Variants in KMT2C observed in about 807,000 individuals in gnomAD.
The protein encoded by KMT2C is lysine methyltransferase 2C.
KMT2C carries 88 observed loss-of-function variants against 507.9 expected under a neutral mutation model. That is an observed-to-expected ratio of 0.17 (90% confidence interval 0.15 to 0.21). The LOEUF is 0.21. Among genes scored for constraint, KMT2C ranks in the 10% least tolerant of loss-of-function variants. The pLI, the probability that KMT2C is intolerant of heterozygous loss-of-function variation, is 1.00. For missense variants in KMT2C, 4,954 were observed against 5,957.8 expected (o/e 0.83, Z 5.55); for synonymous variants, 2,049 against 2,080.8 (o/e 0.98, Z 0.42).
At chr7:152,330,169 T>TGGGGG (rs376494504) in intron 3 of KMT2C, among the ~76,000 whole-genome samples, 22 of 40,962 alleles carry the variant, frequency 5.4e-4, no homozygotes, top group Non-Finnish European at 6.3e-4. Context: ...GGAGGGGTGG[T>TGGGGG]GGGGGGGGGG....
intron 18 of KMT2C, among the ~76,000 whole-genome samples, chr7:152,226,936 G>A (rs535401672): frequency 6.6e-6 from 1 of 152,334 alleles, no homozygotes; most frequent in African/African-American, 2.4e-5. Flanking sequence ...TGAAGATAAA[G>A]TGGCAGACAG....
chr7:152,341,901 C>G (rs1303243172), intron 2 of KMT2C, among the ~76,000 whole-genome samples: 1 of 152,040 alleles, frequency 6.6e-6, no homozygotes, highest in Non-Finnish European at 1.5e-5. Flanking sequence ...TTTGGGGTGT[C>G]CACTTTTTAA....
intron 6 of KMT2C, among the ~76,000 whole-genome samples, chr7:152,279,049 T>A (rs567679982): frequency 2.2e-4 from 33 of 152,180 alleles, no homozygotes; most frequent in East Asian, 1.9e-3. Flanking sequence ...AAAATCCACA[T>A]GTATGGTCGT....
chr7:152,376,217 T>C (rs2097327941), intron 1 of KMT2C, among the ~76,000 whole-genome samples: 1 of 152,218 alleles, frequency 6.6e-6, no homozygotes, highest in Non-Finnish European at 1.5e-5. Flanking sequence ...CTATCTCTCT[T>C]TCTCCCTCTT....
intron 1 of KMT2C, 73 bp from the exon 2 acceptor site, chr7:152,358,748 C>G (rs1257757787): frequency 1.1e-6 from 1 of 920,386 alleles, no homozygotes; most frequent in African/African-American, 1.7e-5. Flanking sequence ...TTATATTCAA[C>G]ATAAGGCACA....
At chr7:152,308,629 C>CATG (rs914948739) in intron 6 of KMT2C, among the ~76,000 whole-genome samples, 1 of 129,114 alleles carries the variant, frequency 7.7e-6, no homozygotes, top group African/African-American at 3.0e-5. Flanking sequence ...GAGCTGAGAT[C>CATG]ATGCCACCAC....
chr7:152,249,972 T>C lies in KMT2C; in HGVS notation c.1736-19A>G. 6.4e-7 allele frequency: 1 copy of C among 1,552,440 alleles called. No homozygotes were observed. Among genetic ancestry groups the C allele is most frequent in the African/African-American group, 1.4e-5 (1 of 73,840 alleles). ...TGAACCGCTGTGAGTAACACATTTA[T>C]AAAATCTCTAAGGAGTCAAAATTTC... On this transcript the variant is annotated intron_variant, in intron 12 of 58. Transcript: ENST00000262189.
chr7:152,176,880 G>T lies in KMT2C; in HGVS notation c.8573C>A (p.Ala2858Asp), dbSNP rs2093234077. Residue 2858 changes from alanine (A) to aspartate (D), a missense_variant, in exon 38 of 59, where the codon GCT (alanine) becomes GAT (aspartate). By Grantham distance (126) the Ala-to-Asp change is moderately radical. Around this residue, in one of 29 missense-constraint regions of KMT2C, gnomAD observed 1,689 missense variants for 1,654.3 expected, o/e 1.02. Coordinates refer to ENST00000262189, the MANE Select transcript of KMT2C (RefSeq NM_170606.3). ...NVDTPCSQAS[A>D]HSDLNDGEKT... is the part of the protein sequence containing the mutation. Reference sequence around the variant, plus strand: ...TTCTCCATCATTTAGGTCTGAGTGAGCAGAAGCCTGTGAGCAAGGAGTGTC... The same window carrying T: ...TTCTCCATCATTTAGGTCTGAGTGATCAGAAGCCTGTGAGCAAGGAGTGTC... 1 of 1,614,178 alleles carries T rather than the reference G, an allele frequency of 6.2e-7. No individual in the cohort carries two copies.
In KMT2C at chr7:152,177,330, T is replaced by C. The variant is rs773930994; in HGVS notation, c.8123A>G (p.Glu2708Gly). Residue 2708 changes from glutamate to glycine, a missense_variant, in exon 38 of 59, where the codon GAA becomes GGA. Around this residue, in one of 29 missense-constraint regions of KMT2C, gnomAD observed 1,689 missense variants for 1,654.3 expected, o/e 1.02. Coordinates refer to ENST00000262189, the MANE Select transcript of KMT2C (RefSeq NM_170606.3). ...ATCTTCATCATCTAAGTCTTTGACT[T>C]CAACCCCCTCAAGGTCTTTAACATC... ...ELDVKDLEGV[E>G]VKDLDDEDLE... 6.2e-7 allele frequency: 1 copy of C among 1,614,176 alleles called. No homozygotes were observed. The highest frequency in any genetic ancestry group is 1.1e-5 in the South Asian group (1 of 91,084).
rs201000375 is a variant in KMT2C, at chr7:152,177,411, G to A, written c.8042C>T (p.Pro2681Leu). Reference protein sequence around the residue: ...TSDNLQITTQPSDGLEEKLDS... With the variant: ...TSDNLQITTQLSDGLEEKLDS... ...AAGTTTTTCCTCTAGACCATCAGAA[G>A]GCTGGGTGGTTATCTGTAAATTATC... Residue 2681 changes from proline to leucine, a missense_variant, in exon 38 of 59, where the codon CCT becomes CTT. Pro to Leu is a moderately conservative substitution (Grantham distance 98). Transcript: ENST00000262189. 1 of 1,614,192 alleles carries A rather than the reference G, an allele frequency of 6.2e-7. No individual in the cohort carries two copies. The highest frequency in any genetic ancestry group is 8.5e-7 in the Non-Finnish European group (1 of 1,180,022).
chr7:152,213,003 A>G (rs2094490164), intron 23 of KMT2C, among the ~76,000 whole-genome samples: 1 of 152,252 alleles, frequency 6.6e-6, no homozygotes, highest in African/African-American at 2.4e-5. Context: ...AGCGGAGATC[A>G]CACCACTGCA....
intron 32 of KMT2C, 65 bp from the exon 33 acceptor site, chr7:152,187,541 T>G: frequency 6.8e-7 from 1 of 1,471,674 alleles, no homozygotes. Context: ...TGTTCAAGTA[T>G]AGCTTTCATT....
rs1195662138 is a variant in KMT2C at position 152,151,355 on chromosome 7, T to A, written c.12666+87A>T. 2.9e-6 allele frequency: 4 copies of A among 1,364,652 alleles called. No individual in the cohort carries two copies. The African/African-American group carries it at 4.3e-5, about 15-fold the overall frequency. 84.5% of individuals were successfully genotyped at this position (1,364,652 alleles called of 1,614,324 possible). On this transcript the variant is annotated intron_variant, in intron 50 of 58. Coordinates refer to ENST00000262189, the MANE Select transcript of KMT2C (RefSeq NM_170606.3). ...GTGTCCATCACACCACCATAAGTGG[T>A]GTCTCTCTCTGATGTTGGAAGAGAC...
At chr7:152,251,585 C>T (rs948137342) in intron 11 of KMT2C, among the ~76,000 whole-genome samples, 2 of 152,074 alleles carry the variant, frequency 1.3e-5, no homozygotes, top group Non-Finnish European at 2.9e-5. Flanking sequence ...TTAAGAAGGA[C>T]ATTACAAAAC....
At chr7:152,267,408 T>G (rs1475576340) in intron 7 of KMT2C, among the ~76,000 whole-genome samples, 1 of 152,220 alleles carries the variant, frequency 6.6e-6, no homozygotes, top group Non-Finnish European at 1.5e-5. Flanking sequence ...GCAGAAACCT[T>G]AGTATCACTG....
In KMT2C at chr7:152,321,071, T is replaced by C. The variant is rs528980558; in HGVS notation, c.390-5733A>G. Among the ~76,000 whole-genome samples, 27 of 151,954 alleles carry C rather than the reference T, an allele frequency of 1.8e-4. No homozygotes were observed. The South Asian group carries it at 3.9e-3, about 22-fold the overall frequency. The stretch of plus-strand genomic sequence containing the variant: ...CAACATGGCGAAACCCCGTCTCTAC[T>C]AAAAATACAAAAGTTAGCTGGGTAT... On this transcript the variant is annotated intron_variant, in intron 3 of 58. Coordinates refer to ENST00000262189, the MANE Select transcript of KMT2C (RefSeq NM_170606.3).
intron 6 of KMT2C, among the ~76,000 whole-genome samples, chr7:152,301,499 CT>C (rs2096568173): frequency 6.6e-6 from 1 of 151,842 alleles, no homozygotes; most frequent in African/African-American, 2.4e-5. Flanking sequence ...CAGTGTGAGA[CT>C]CCATCTCAAA....
chr7:152,185,348 G>A (rs749521160), intron 34 of KMT2C, among the ~76,000 whole-genome samples: 4 of 152,082 alleles, frequency 2.6e-5, no homozygotes, highest in South Asian at 2.1e-4. Context: ...AATCTTCAAC[G>A]TTTTGGTTCT....
At chr7:152,348,599 T>TAAAAAAAAAAAA (rs201530125) in intron 2 of KMT2C, among the ~76,000 whole-genome samples, 76 of 48,930 alleles carry the variant, frequency 1.6e-3, no homozygotes, top group Non-Finnish European at 2.8e-3. Context: ...AACTCTGTCT[T>TAAAAAAAAAAAA]AAAAAAAAAA....
Sources: gnomAD v4.1 joint callset for allele counts (sites outside exome capture counted in the v4.1 genomes callset) on GRCh38, gnomAD v4.1.1 for gene constraint, gnomAD v4.1.1 regional missense constraint, MANE v1.5 for transcripts, NCBI Gene and HGNC (gene_info 2026-07-23, HGNC 2026-07-21) for gene names.